The following KRT5 variants were observed in gnomAD, a reference collection of about 807,000 sequenced individuals.
The protein encoded by KRT5 is keratin, type II cytoskeletal 5.
KRT5 carries 17 observed loss-of-function variants against 44.0 expected under a neutral mutation model. That is an observed-to-expected ratio of 0.39 (90% confidence interval 0.26 to 0.58). The LOEUF is 0.58. Ranked by LOEUF, KRT5 falls within the 20% of genes least tolerant of loss-of-function variation. The pLI is 0.61. For synonymous variants in KRT5, 329 were observed against 312.8 expected (o/e 1.05, Z -0.55); for missense variants, 737 against 785.5 (o/e 0.94, Z 0.74).
At chr12:52,518,567 T>G in intron 2 of KRT5, 1 of 544,918 alleles carries the variant, frequency 1.8e-6, no homozygotes, top group Non-Finnish European at 3.4e-6. Flanking sequence ...CTAAAGAAAT[T>G]ACTTGAGCCA....
rs138218183 is a variant in KRT5, at chr12:52,519,940, G to T, written c.357C>A (p.Gly119=). 119 of 1,612,382 alleles carry T rather than the reference G, an allele frequency of 7.4e-5. No homozygotes were observed. The highest frequency in any genetic ancestry group is 3.3e-4 in the Middle Eastern group (2 of 6,080). Residue 119 remains glycine, a synonymous_variant, in exon 1 of 9, where the codon GGC becomes GGA. Transcript: ENST00000252242. ...GGAGGGFGLG[G]GAGFGGGFGG... The stretch of plus-strand genomic sequence containing the variant: ...CGAAGCCACCTCCAAAGCCAGCTCC[G>T]CCACCGAGCCCAAAGCCACCACCAG...
chr12:52,519,746 T>G lies in KRT5; in HGVS notation c.551A>C (p.Asp184Ala). The change falls in exon 1 of 9, where the codon GAC (aspartate) becomes GCC (alanine). Residue 184 changes from aspartate (D) to alanine (A), a missense_variant. By Grantham distance (126) the Asp-to-Ala change is moderately radical. Around this residue, in one of 5 missense-constraint regions of KRT5, gnomAD observed 326 missense variants for 333.1 expected, o/e 0.98. Coordinates refer to ENST00000252242, the MANE Select transcript of KRT5 (RefSeq NM_000424.4). ...TTACAAAAGATCGTAGCTCACCTTG[T>G]CGATGAAGGAGGCAAACTTATTGTT... is the stretch of plus-strand genomic sequence containing the variant. The part of the protein sequence containing the change: ...TLNNKFASFI[D>A]KVRFLEQQNK... 3 of 1,613,858 alleles carry G rather than the reference T, an allele frequency of 1.9e-6. No individual in the cohort carries two copies. Among genetic ancestry groups the G allele is most frequent in the Non-Finnish European group, 2.5e-6 (3 of 1,179,802 alleles).
At chr12:52,519,520 C>CCCT (rs1335514715) in intron 1 of KRT5, 6 of 645,264 alleles carry the variant, frequency 9.3e-6, no homozygotes, top group African/African-American at 1.8e-5. Flanking sequence ...TGTTAAGAGG[C>CCCT]CCTTGTGAGC....
At chr12:52,517,818 C>A (rs1938637935) in intron 4 of KRT5, 64 bp from the exon 5 acceptor site, 1 of 1,609,896 alleles carries the variant, frequency 6.2e-7, no homozygotes, top group African/African-American at 1.3e-5. Context: ...CAGTTCCATT[C>A]AAATCTTTCA....
In KRT5 at chr12:52,519,790, G is replaced by A. The variant is rs200658792; in HGVS notation, c.507C>T (p.Arg169=). 50 of 1,613,962 alleles carry A rather than the reference G, an allele frequency of 3.1e-5. No homozygotes were observed. The highest frequency in any genetic ancestry group is 5.5e-5 in the South Asian group (5 of 91,058). The change falls in exon 1 of 9, where the codon CGC becomes CGT. Residue 169 remains arginine, a synonymous_variant. Transcript: ENST00000252242. ...TATTGTTGAGGGTCTTGATCTGCTC[G>A]CGCTCCTCGGTCCTCACCCTCTGGA... ...PSIQRVRTEE[R]EQIKTLNNKF...
chr12:52,516,094 G>T (rs1938605192), intron 7 of KRT5: 2 of 566,912 alleles, frequency 3.5e-6, no homozygotes, highest in South Asian at 2.4e-5. Context: ...TAAGAGATTT[G>T]GAAAATGTGA....
At chr12:52,517,495 A>C in intron 5 of KRT5, 95 bp downstream of exon 5, 13 of 1,349,388 alleles carry the variant, frequency 9.6e-6, no homozygotes, top group Non-Finnish European at 1.4e-5. Flanking sequence ...GGGCTTCAGC[A>C]GGTTCCAGGA....
chr12:52,515,771 T>C, intron 8 of KRT5, 27 bp downstream of exon 8: 5 of 1,585,492 alleles, frequency 3.2e-6, no homozygotes, highest in Non-Finnish European at 4.3e-6. Flanking sequence ...TTATTGTCGT[T>C]GTTAATGTCT....
rs1354888572 is a variant in KRT5, at chr12:52,514,949, T to C, written c.1766A>G (p.Lys589Arg). The C allele has an allele frequency of 9.3e-6, 15 of 1,613,694 alleles. No homozygotes were observed. The highest frequency in any genetic ancestry group is 1.3e-5 in the Non-Finnish European group (15 of 1,179,876). The stretch of plus-strand genomic sequence containing the variant: ...GTGACTTGCAGCAGGTTCTTAGCTC[T>C]TGAAGCTCTTCCGGGAGGAGGAGGT... The part of the protein sequence containing the change: ...STTSSSRKSF[K>R]S The change falls in exon 9 of 9, where the codon AAG (lysine) becomes AGG (arginine). Residue 589 changes from lysine (K) to arginine (R), a missense_variant. Physicochemically the swap from Lys to Arg is conservative, Grantham distance 26. Around this residue, in one of 5 missense-constraint regions of KRT5, gnomAD observed 344 missense variants for 351.6 expected, o/e 0.98. Transcript: ENST00000252242.
chr12:52,517,406 T>C (rs575812512), intron 5 of KRT5, among the ~76,000 whole-genome samples, 174 bp from the exon 6 acceptor site: 1 of 152,298 alleles, frequency 6.6e-6, no homozygotes, highest in Middle Eastern at 3.4e-3. Context: ...TGGTGTGAGA[T>C]TCAGAGTGAG....
At chr12:52,515,754 TC>T in intron 8 of KRT5, 43 bp downstream of exon 8, 1 of 1,495,776 alleles carries the variant, frequency 6.7e-7, no homozygotes, top group Non-Finnish European at 9.3e-7. Flanking sequence ...ACTAAATATA[TC>T]CCATATTATT....
Position 52,516,813 on chromosome 12 carries a change from C to A in KRT5, c.1263G>T (p.Gly421=), listed in dbSNP as rs151313162. 3.1e-6 allele frequency: 5 copies of A among 1,614,172 alleles called. No individual in the cohort carries two copies. Among genetic ancestry groups the A allele is most frequent in the Non-Finnish European group, 4.2e-6 (5 of 1,180,040 alleles). The change falls in exon 7 of 9, where the codon GGG becomes GGT. Residue 421 remains glycine, a synonymous_variant. Transcript: ENST00000252242. ...TCCTGGCATCCTTGAGGGCCAGCTCCCCACGCTGCTCGGCATCCGCAATGG... is the reference window on the plus strand; with the variant it reads ...TCCTGGCATCCTTGAGGGCCAGCTCACCACGCTGCTCGGCATCCGCAATGG... ...QNAIADAEQR[G]ELALKDARNK... is the part of the protein sequence containing the mutation.
Position 52,516,713 on chromosome 12 carries a change from C to A in KRT5, c.1363G>T (p.Glu455Ter), listed in dbSNP as rs1294665232. 1 of 1,614,194 alleles carries A rather than the reference C, an allele frequency of 6.2e-7. No homozygotes were observed. The highest frequency in any genetic ancestry group is 1.7e-5 in the Admixed American group (1 of 60,030). The change falls in exon 7 of 9, where the codon GAG becomes TAG. Residue 455 changes from glutamate (E) to a stop codon, truncating the protein, a stop_gained. Transcript: ENST00000252242. LOFTEE classifies it high-confidence loss of function. ...AGGGCCAGCTTGGTGTTCATGAGCT[C>A]CTGGTACTCACGCAGCAGCCGGGCC... Reference protein sequence around the residue: ...DMARLLREYQELMNTKLALDV... With the variant: ...DMARLLREYQ
chr12:52,517,071 A>G (rs1478545714), intron 6 of KRT5, 36 bp downstream of exon 6: 2 of 1,613,384 alleles, frequency 1.2e-6, no homozygotes, highest in Non-Finnish European at 1.7e-6. Flanking sequence ...TTTAGAACTC[A>G]GGCCCCTTCC....
chr12:52,519,599 A>G lies in KRT5; in HGVS notation c.555+143T>C, dbSNP rs998910016. 1.1e-5 allele frequency: 10 copies of G among 950,638 alleles called. No homozygotes were observed. In the Admixed American group the frequency reaches 1.8e-4, roughly 17 times the overall value. 58.9% of individuals were successfully genotyped at this position (950,638 alleles called of 1,614,324 possible). A position where few individuals can be genotyped will look rare whatever the true frequency, so the allele number is the denominator to read the frequency against. ...AGTCTAATTCAGAACGTGTCCACAA[A>G]TCCAGGGCACAGAAACAAACGGAAA... On this transcript the variant is annotated intron_variant, in intron 1 of 8. Transcript: ENST00000252242.
intron 2 of KRT5, chr12:52,518,488 C>G (rs1254422543): frequency 5.2e-6 from 3 of 580,552 alleles, no homozygotes; most frequent in Non-Finnish European, 9.7e-6. Flanking sequence ...TTTGAGCTTT[C>G]AGAGGCTTTA....
In KRT5 at chr12:52,515,995, A is replaced by T. The variant is rs1938604231; in HGVS notation, c.1440-163T>A. ...AAGGAAGGGAGAACTCTCCAGAGGGATTTTCCAATGAAGAGGGATTGACCT... is the reference window on the plus strand; with the variant it reads ...AAGGAAGGGAGAACTCTCCAGAGGGTTTTTCCAATGAAGAGGGATTGACCT... On this transcript the variant is annotated intron_variant, in intron 7 of 8. Transcript: ENST00000252242. 6 of 666,806 alleles carry T rather than the reference A, an allele frequency of 9.0e-6. No homozygotes were observed. In the East Asian group the frequency reaches 1.6e-4, roughly 18 times the overall value. The allele number at this position is 666,806 out of a possible 1,614,324, so 41.3% of individuals were successfully genotyped here.
chr12:52,518,397 T>C (rs1336434207), intron 2 of KRT5: 1 of 660,744 alleles, frequency 1.5e-6, no homozygotes, highest in Non-Finnish European at 2.8e-6. Context: ...TCTAATTCAG[T>C]TGTTTCAAGC....
intron 2 of KRT5, 36 bp downstream of exon 2, chr12:52,518,910 C>T (rs1235530271): frequency 4.3e-6 from 7 of 1,613,074 alleles, no homozygotes; most frequent in Non-Finnish European, 5.1e-6. Context: ...AAGAAGACAC[C>T]ACCCTCCCCT....
Sources: gnomAD v4.1 joint callset for allele counts (sites outside exome capture counted in the v4.1 genomes callset) on GRCh38, gnomAD v4.1.1 for gene constraint, gnomAD v4.1.1 regional missense constraint, MANE v1.5 for transcripts, NCBI Gene and HGNC (gene_info 2026-07-23, HGNC 2026-07-21) for gene names.